Variants in PRDM16 observed in about 807,000 individuals in gnomAD.
PRDM16 encodes PR/SET domain 16.
Under a neutral mutation model 110.6 loss-of-function variants are expected in PRDM16, and 23 were observed. That is an observed-to-expected ratio of 0.21 (90% confidence interval 0.15 to 0.29). The LOEUF (loss-of-function observed/expected upper bound fraction) is 0.29. PRDM16 is among the 10% of genes least tolerant of loss of function. The pLI is 1.00. For synonymous variants in PRDM16, 799 were observed against 781.8 expected, an observed-to-expected ratio of 1.02 and a Z score of -0.37; for missense variants, 1,615 against 1,794.3, an observed-to-expected ratio of 0.90 and a Z score of 1.81.
At chr1:3,347,277 A>ATT (rs1422640456) in intron 3 of PRDM16, among the ~76,000 whole-genome samples, 1 of 152,228 alleles carries the variant, frequency 6.6e-6, no homozygotes, top group Non-Finnish European at 1.5e-5. Flanking sequence ...CCAATGCTTA[A>ATT]AGCGCCTCCA....
rs148865398 is a variant in PRDM16 at position 3,245,735 on chromosome 1, A to AT, written c.438+1602dup. The stretch of plus-strand genomic sequence containing the variant: ...TTCCTGCCTCTTTAAATGAGTTCAC[A>AT]TTTTCTTAAAGGACATAGAGGAGCA... On this transcript the variant is annotated intron_variant, in intron 3 of 16. Transcript: ENST00000270722. The surrounding 1 kb of genome is among the most constrained non-coding windows in gnomAD (Gnocchi z 4.7). 0.19 allele frequency among the ~76,000 whole-genome samples: 28,986 copies of AT among 151,884 alleles called. 3,294 individuals are homozygous for AT. The highest frequency in any genetic ancestry group is 0.32 in the African/African-American group (13,248 of 41,382).
rs538188552 is a variant in PRDM16, at chr1:3,409,971, TTGTG to T, written c.1187-1409_1187-1406del. On this transcript the variant is annotated intron_variant, in intron 8 of 16. Coordinates refer to ENST00000270722, the MANE Select transcript of PRDM16 (RefSeq NM_022114.4). ...GTGTGTGTGCGTGTGGGGGGTGTGG[TTGTG>T]TGTTTGCATGGGGGGGTGTGGGGGG... is the stretch of plus-strand genomic sequence containing the variant. 4.8e-3 allele frequency among the ~76,000 whole-genome samples: 337 copies of T among 69,940 alleles called. 3 individuals are homozygous for T. Among genetic ancestry groups the T allele is most frequent in the African/African-American group, 0.02 (324 of 16,318 alleles). 45.9% of individuals were successfully genotyped at this position (69,940 alleles called of 152,430 possible). A position where few individuals can be genotyped will look rare whatever the true frequency, so the allele number is the denominator to read the frequency against.
intron 1 of PRDM16, among the ~76,000 whole-genome samples, chr1:3,086,637 A>G (rs1177415583): frequency 6.6e-6 from 1 of 152,136 alleles, no homozygotes; most frequent in Non-Finnish European, 1.5e-5. Flanking sequence ...CCCCAGCTGC[A>G]GCAGCCAGAC....
chr1:3,185,811 G>T (rs576268075), intron 1 of PRDM16, among the ~76,000 whole-genome samples: 1 of 152,232 alleles, frequency 6.6e-6, no homozygotes, highest in South Asian at 2.1e-4. Flanking sequence ...AGGACCACCC[G>T]GCGCATCCTC....
intron 1 of PRDM16, among the ~76,000 whole-genome samples, chr1:3,120,499 A>G (rs1643071273): frequency 6.6e-6 from 1 of 152,146 alleles, no homozygotes; most frequent in Admixed American, 6.5e-5. Flanking sequence ...GCACCAGGTC[A>G]TTTCTTTTTA....
chr1:3,403,774 TCCTG>T (rs1408961462), intron 6 of PRDM16, among the ~76,000 whole-genome samples: 1 of 152,106 alleles, frequency 6.6e-6, no homozygotes, highest in East Asian at 1.9e-4. Flanking sequence ...GGGCCCCTCC[TCCTG>T]CCTTTGAGGA....
intron 3 of PRDM16, among the ~76,000 whole-genome samples, chr1:3,354,408 C>T (rs1642553223): frequency 2.0e-5 from 3 of 146,762 alleles, no homozygotes; most frequent in South Asian, 2.1e-4. Context: ...TTCAGTGAGC[C>T]GAGATTGCAC....
At position 3,412,533 on chromosome 1, in the gene PRDM16, C is replaced by T. The variant is rs1239211928; in HGVS notation, c.2336C>T (p.Pro779Leu). 3.1e-6 allele frequency: 5 copies of T among 1,612,652 alleles called. No individual in the cohort carries two copies. The highest frequency in any genetic ancestry group is 4.2e-6 in the Non-Finnish European group (5 of 1,180,010). The change falls in exon 9 of 17, where the codon CCC becomes CTC. Residue 779 changes from proline (P) to leucine (L), a missense_variant. Pro to Leu is a moderately conservative substitution (Grantham distance 98, BLOSUM62 -3). This residue lies in a region of PRDM16 where 772 missense variants were observed against 748.3 expected (regional missense o/e 1.03). Coordinates refer to ENST00000270722, the MANE Select transcript of PRDM16 (RefSeq NM_022114.4). Reference sequence around the variant, plus strand: ...TGCCCCTTTGATCTCACCACCAAGCCCAAAGACGTGAAGCCCATCCTGCCC... The same window carrying T: ...TGCCCCTTTGATCTCACCACCAAGCTCAAAGACGTGAAGCCCATCCTGCCC... ...AECPFDLTTK[P>L]KDVKPILPMP... is the part of the protein sequence containing the mutation.
At chr1:3,197,060 G>A (rs891453677) in intron 2 of PRDM16, among the ~76,000 whole-genome samples, 2 of 152,148 alleles carry the variant, frequency 1.3e-5, no homozygotes, top group Non-Finnish European at 1.5e-5. Context: ...ACAGCTGCAC[G>A]AGGCGGCCCG....
At chr1:3,199,179 C>T (rs1377863296) in intron 2 of PRDM16, among the ~76,000 whole-genome samples, 1 of 152,194 alleles carries the variant, frequency 6.6e-6, no homozygotes, top group Non-Finnish European at 1.5e-5. Flanking sequence ...TTTCAACAGG[C>T]ACCTCTGGAT....
intron 2 of PRDM16, among the ~76,000 whole-genome samples, chr1:3,236,662 G>A (rs1185991708): frequency 2.0e-5 from 3 of 152,334 alleles, no homozygotes; most frequent in South Asian, 2.1e-4. Context: ...TGCCCTCGGT[G>A]TGCACCACCT....
chr1:3,414,305 C>A (rs919197008), intron 9 of PRDM16, among the ~76,000 whole-genome samples: 1 of 152,136 alleles, frequency 6.6e-6, no homozygotes, highest in African/African-American at 2.4e-5. Context: ...TGTGAGGGAA[C>A]CACTGAGGGA....
At chr1:3,338,447 G>C (rs1028513260) in intron 3 of PRDM16, among the ~76,000 whole-genome samples, 2 of 152,278 alleles carry the variant, frequency 1.3e-5, no homozygotes, top group African/African-American at 4.8e-5. Flanking sequence ...GAACCAAGAA[G>C]CTAGGGCCAA....
chr1:3,372,433 G>T (rs1427507596), intron 3 of PRDM16, among the ~76,000 whole-genome samples: 1 of 152,200 alleles, frequency 6.6e-6, no homozygotes, highest in Non-Finnish European at 1.5e-5. Flanking sequence ...CCATCTAAGT[G>T]GCCAGAGAAA....
chr1:3,083,443 C>T (rs979689222), intron 1 of PRDM16, among the ~76,000 whole-genome samples: 18 of 152,230 alleles, frequency 1.2e-4, no homozygotes, highest in Non-Finnish European at 1.8e-4. Flanking sequence ...AGCTGTGCTG[C>T]GTTTATGGCC....
At chr1:3,285,085 G>GC (rs1640815764) in intron 3 of PRDM16, among the ~76,000 whole-genome samples, 3 of 152,208 alleles carry the variant, frequency 2.0e-5, no homozygotes, top group African/African-American at 7.2e-5. Flanking sequence ...GGCACTCTCT[G>GC]GCCCCCCCAA....
At chr1:3,371,015 T>A (rs572401453) in intron 3 of PRDM16, among the ~76,000 whole-genome samples, 1 of 147,302 alleles carries the variant, frequency 6.8e-6, no homozygotes, top group African/African-American at 2.6e-5. Context: ...CATCCATCCA[T>A]CCACCCACCC....
At chr1:3,384,905 G>A (rs1290214134) in intron 3 of PRDM16, among the ~76,000 whole-genome samples, 1 of 152,182 alleles carries the variant, frequency 6.6e-6, no homozygotes, top group Non-Finnish European at 1.5e-5. Context: ...TGATCTGCTC[G>A]GTGAGAAAAG....
In PRDM16 at chr1:3,432,118, T is replaced by C. The variant is rs768006911; in HGVS notation, c.3674T>C (p.Leu1225Pro). 6 of 1,613,748 alleles carry C rather than the reference T, an allele frequency of 3.7e-6. No homozygotes were observed. Among genetic ancestry groups the C allele is most frequent in the Non-Finnish European group, 5.1e-6 (6 of 1,179,898 alleles). The stretch of plus-strand genomic sequence containing the variant: ...GATTCTGAGGCTTTAAAACATACAC[T>C]GTGCAGGCAGGCTAAGAACCAGGTA... ...TLDSEALKHT[L>P]CRQAKNQAYA... The change falls in exon 16 of 17, where the codon CTG (leucine) becomes CCG (proline). Residue 1225 changes from leucine to proline, a missense_variant. Leu to Pro is a moderately conservative substitution (Grantham distance 98). Around this residue, in one of 5 missense-constraint regions of PRDM16, gnomAD observed 327 missense variants for 359.3 expected, o/e 0.91. Coordinates refer to ENST00000270722, the MANE Select transcript of PRDM16 (RefSeq NM_022114.4).
Sources: allele counts gnomAD v4.1 joint callset (sites outside exome capture counted in the v4.1 genomes callset), GRCh38; gene constraint gnomAD v4.1.1; regional missense constraint gnomAD v4.1.1; non-coding constraint Gnocchi (gnomAD v3.1); transcripts MANE v1.5; gene names NCBI Gene and HGNC (gene_info 2026-07-23, HGNC 2026-07-21).